The following CDYL2 variants were observed in gnomAD, a reference collection of about 807,000 sequenced individuals.
CDYL2 encodes chromodomain Y-like protein 2.
In CDYL2, 23 loss-of-function variants were observed where a neutral mutation model predicts 49.4. That is an observed-to-expected ratio of 0.47 (90% CI 0.34 to 0.66). CDYL2 has a LOEUF of 0.66. Ranked by LOEUF, CDYL2 falls within the 30% of genes least tolerant of loss-of-function variation. CDYL2 has a pLI of 0.01. For synonymous variants in CDYL2, 360 were observed against 268.8 expected (o/e 1.34, Z -3.32); for missense variants, 678 against 656.4 (o/e 1.03, Z -0.36).
At chr16:80,768,599 G>A (rs1906806284) in intron 1 of CDYL2, among the ~76,000 whole-genome samples, 1 of 152,138 alleles carries the variant, frequency 6.6e-6, no homozygotes, top group Non-Finnish European at 1.5e-5. Flanking sequence ...CTCTCTATAA[G>A]GGTACTAATC....
rs73592249 is a variant in CDYL2, at chr16:80,632,954, A to G, written c.834+65T>C. The G allele has an allele frequency of 0.013, 19,874 of 1,486,900 alleles. 1,564 individuals are homozygous for G. The African/African-American group carries it at 0.2, about 15-fold the overall frequency. 92.1% of individuals were successfully genotyped at this position (1,486,900 alleles called of 1,614,324 possible). A position where few individuals can be genotyped will look rare whatever the true frequency, so the allele number is the denominator to read the frequency against. ...TGATGGAAGGAAGGAGAAAGCCAATATTCCATTCTGAGTGAGAAGGAGCCA... is the reference window on the plus strand; with the variant it reads ...TGATGGAAGGAAGGAGAAAGCCAATGTTCCATTCTGAGTGAGAAGGAGCCA... On this transcript the variant is annotated intron_variant, in intron 3 of 6. Transcript: ENST00000570137.
chr16:80,672,352 C>CACAGAGAGAGAG (rs68130206), intron 2 of CDYL2, among the ~76,000 whole-genome samples: 10 of 117,842 alleles, frequency 8.5e-5, no homozygotes, highest in South Asian at 6.3e-4. Context: ...CACACACACA[C>CACAGAGAGAGAG]AGAGAGAGAG....
At chr16:80,781,020 C>A (rs1425917275) in intron 1 of CDYL2, among the ~76,000 whole-genome samples, 2 of 152,192 alleles carry the variant, frequency 1.3e-5, no homozygotes, top group Non-Finnish European at 2.9e-5. Flanking sequence ...GTCCAAAACA[C>A]TTCTCTATGT....
At chr16:80,677,012 C>T (rs981924497) in intron 2 of CDYL2, among the ~76,000 whole-genome samples, 1 of 148,266 alleles carries the variant, frequency 6.7e-6, no homozygotes, top group Non-Finnish European at 1.5e-5. Flanking sequence ...GCTCTGTCGC[C>T]CAGGCTGGAG....
chr16:80,661,076 ACAGC>A (rs1284873560), intron 2 of CDYL2, among the ~76,000 whole-genome samples: 3 of 152,212 alleles, frequency 2.0e-5, no homozygotes, highest in Non-Finnish European at 4.4e-5. Context: ...TTCAGAAAAC[ACAGC>A]CACTCCTGGC....
At chr16:80,666,666 G>C (rs1164706106) in intron 2 of CDYL2, among the ~76,000 whole-genome samples, 2 of 152,178 alleles carry the variant, frequency 1.3e-5, no homozygotes, top group East Asian at 3.9e-4. Flanking sequence ...TCCAGGACAT[G>C]TTACCATGAG....
chr16:80,678,908 T>G (rs1359024560), intron 2 of CDYL2, among the ~76,000 whole-genome samples: 3 of 151,142 alleles, frequency 2.0e-5, no homozygotes, highest in Admixed American at 1.3e-4. Flanking sequence ...GTGGCACATA[T>G]ACACCATGGA....
intron 1 of CDYL2, among the ~76,000 whole-genome samples, chr16:80,779,410 G>C (rs934751203): frequency 6.6e-6 from 1 of 151,964 alleles, no homozygotes; most frequent in African/African-American, 2.4e-5. Flanking sequence ...GTTATTGCTA[G>C]CAATATCCTT....
At position 80,604,400 on chromosome 16, in the gene CDYL2, A is replaced by T; in HGVS notation, c.1509T>A (p.Ile503=). 2 of 1,614,064 alleles carry T rather than the reference A, an allele frequency of 1.2e-6. No homozygotes were observed. Among genetic ancestry groups the T allele is most frequent in the Non-Finnish European group, 1.7e-6 (2 of 1,179,964 alleles). The change falls in exon 7 of 7, where the codon ATT becomes ATA. Residue 503 remains isoleucine (I), a synonymous_variant. Transcript: ENST00000570137. ...GAGCTGGGGCCCCTCAGACTTCATA[A>T]ATTTTGTCCTGCAGGTAGCTGAAAA... The part of the protein sequence containing the change: ...DSLFSYLQDK[I]YEV
At chr16:80,726,789 A>AAAAC (rs761444516) in intron 1 of CDYL2, among the ~76,000 whole-genome samples, 16 of 152,204 alleles carry the variant, frequency 1.1e-4, no homozygotes, top group Non-Finnish European at 1.9e-4. Context: ...CAACAATCAC[A>AAAAC]AAACAAACAA....
intron 6 of CDYL2, among the ~76,000 whole-genome samples, chr16:80,607,084 T>C (rs1315766242): frequency 1.3e-5 from 2 of 152,194 alleles, no homozygotes; most frequent in African/African-American, 2.4e-5. Context: ...TTGGTGACCC[T>C]AGTCATTAGT....
chr16:80,667,824 C>T (rs923857251), intron 2 of CDYL2, among the ~76,000 whole-genome samples: 8 of 152,114 alleles, frequency 5.3e-5, no homozygotes, highest in African/African-American at 1.9e-4. Context: ...TATTCTTTAC[C>T]CCCAACCCGT....
At chr16:80,778,540 TCAAGAAAA>T (rs1907164584) in intron 1 of CDYL2, among the ~76,000 whole-genome samples, 1 of 151,994 alleles carries the variant, frequency 6.6e-6, no homozygotes, top group Non-Finnish European at 1.5e-5. Flanking sequence ...AGGATCTGTA[TCAAGAAAA>T]CTAGAAAACT....
At chr16:80,697,078 G>A (rs1904279810) in intron 1 of CDYL2, among the ~76,000 whole-genome samples, 2 of 152,028 alleles carry the variant, frequency 1.3e-5, no homozygotes, top group African/African-American at 4.8e-5. Flanking sequence ...ATTCTATGAG[G>A]CCAGTGTCAT....
intron 2 of CDYL2, among the ~76,000 whole-genome samples, chr16:80,645,273 G>T (rs1448380207): frequency 1.3e-5 from 2 of 152,066 alleles, no homozygotes; most frequent in African/African-American, 2.4e-5. Context: ...AATCTACAAA[G>T]AACTCAAACA....
chr16:80,646,820 C>T (rs1050205621), intron 2 of CDYL2, among the ~76,000 whole-genome samples: 5 of 149,542 alleles, frequency 3.3e-5, no homozygotes, highest in African/African-American at 1.2e-4. Flanking sequence ...CAAAACAAAA[C>T]AAACAAAAAA....
chr16:80,774,864 G>A (rs546766898), intron 1 of CDYL2, among the ~76,000 whole-genome samples: 95 of 150,192 alleles, frequency 6.3e-4, no homozygotes, highest in African/African-American at 2.2e-3. Context: ...GGATAGGAAG[G>A]AGAAAAGGCA....
intron 1 of CDYL2, among the ~76,000 whole-genome samples, chr16:80,794,089 T>A (rs1311876395): frequency 6.6e-6 from 1 of 152,232 alleles, no homozygotes; most frequent in Non-Finnish European, 1.5e-5. Flanking sequence ...GTCTGTTTCA[T>A]GTAGAAAAAC....
chr16:80,709,495 A>C (rs1458540386), intron 1 of CDYL2, among the ~76,000 whole-genome samples: 3 of 152,048 alleles, frequency 2.0e-5, no homozygotes, highest in Non-Finnish European at 4.4e-5. Context: ...CGTCCATGAG[A>C]AGCACTAGAT....
Sources: gnomAD v4.1 joint callset for allele counts (sites outside exome capture counted in the v4.1 genomes callset) on GRCh38, gnomAD v4.1.1 for gene constraint, MANE v1.5 for transcripts, NCBI Gene and HGNC (gene_info 2026-07-23, HGNC 2026-07-21) for gene names.